The following PDE2A variants were observed in gnomAD, a reference collection of about 807,000 sequenced individuals.
PDE2A encodes the protein phosphodiesterase 2A, also known as cGMP-dependent 3',5'-cyclic phosphodiesterase.
PDE2A carries 53 observed loss-of-function variants against 133.6 expected under a neutral mutation model. The observed-to-expected ratio is 0.40, with a 90% CI of 0.32 to 0.50. The LOEUF (loss-of-function observed/expected upper bound fraction) is 0.50. Ranked by LOEUF, PDE2A falls within the 20% of genes least tolerant of loss-of-function variation. The pLI is 0.73. For missense variants in PDE2A, 796 were observed against 1,232.4 expected (o/e 0.65, Z 5.30); for synonymous variants, 491 against 490.2 (o/e 1.00, Z -0.02).
intron 13 of PDE2A, among the ~76,000 whole-genome samples, chr11:72,586,658 T>C (rs1855987974): frequency 1.3e-5 from 2 of 152,226 alleles, no homozygotes; most frequent in South Asian, 2.1e-4. Flanking sequence ...GCCCTGCTCA[T>C]GGAGCTAGCT....
intron 1 of PDE2A, among the ~76,000 whole-genome samples, chr11:72,652,216 C>T (rs117130597): frequency 1.8e-4 from 27 of 152,368 alleles, no homozygotes; most frequent in East Asian, 1.2e-3. Flanking sequence ...TCCCTTTGCA[C>T]CTGGCAAGAA....
Position 72,589,212 on chromosome 11 carries a change from T to C in PDE2A, c.902A>G (p.Glu301Gly). 6.2e-7 allele frequency: 1 copy of C among 1,613,854 alleles called. No individual in the cohort carries two copies. The highest frequency in any genetic ancestry group is 8.5e-7 in the Non-Finnish European group (1 of 1,179,878). Residue 301 changes from glutamate (E) to glycine (G), a missense_variant, in exon 12 of 31, where the codon GAA becomes GGA. Coordinates refer to ENST00000334456, the MANE Select transcript of PDE2A (RefSeq NM_002599.5). ...PLTGCLGQVV[E>G]DKKSIQLKDL... ...CTTCAGCTGGATGGACTTCTTGTCTTCCACCACCTGGCCCAGGCATCCTGT... is the reference window on the plus strand; with the variant it reads ...CTTCAGCTGGATGGACTTCTTGTCTCCCACCACCTGGCCCAGGCATCCTGT...
intron 20 of PDE2A, 144 bp from the exon 21 acceptor site, chr11:72,582,710 G>A (rs1855778968): frequency 9.1e-6 from 7 of 770,614 alleles, no homozygotes; most frequent in Non-Finnish European, 1.4e-5. Context: ...AACTGGGCAG[G>A]AAATCACCAC....
At chr11:72,648,489 G>A (rs889876173) in intron 1 of PDE2A, among the ~76,000 whole-genome samples, 1 of 152,146 alleles carries the variant, frequency 6.6e-6, no homozygotes, top group Non-Finnish European at 1.5e-5. Context: ...AAGGGTACAG[G>A]CTGAGTGAAC....
At chr11:72,639,771 G>A (rs1347466376) in intron 2 of PDE2A, among the ~76,000 whole-genome samples, 1 of 152,178 alleles carries the variant, frequency 6.6e-6, no homozygotes, top group Non-Finnish European at 1.5e-5. Context: ...GAGGATGAAG[G>A]GCAAAGGGTA....
In PDE2A at chr11:72,620,668, C is replaced by T. The variant is rs138172774; in HGVS notation, c.145-11917G>A. Among the ~76,000 whole-genome samples, 408 of 152,260 alleles carry T rather than the reference C, an allele frequency of 2.7e-3. 3 individuals are homozygous for T. Among genetic ancestry groups the T allele is most frequent in the Non-Finnish European group, 3.7e-3 (252 of 68,018 alleles). On this transcript the variant is annotated intron_variant, in intron 2 of 30. Coordinates refer to ENST00000334456, the MANE Select transcript of PDE2A (RefSeq NM_002599.5). The stretch of plus-strand genomic sequence containing the variant: ...TCCTATCCACCCCCACCCTCCCGAC[C>T]GGGACCAGATCCCCTACTGGTGTGA...
intron 2 of PDE2A, among the ~76,000 whole-genome samples, chr11:72,632,522 G>C (rs1425196433): frequency 6.6e-6 from 1 of 152,136 alleles, no homozygotes; most frequent in Non-Finnish European, 1.5e-5. Flanking sequence ...CTCTCCTGTA[G>C]GGCCTGGTAT....
At chr11:72,591,501 C>G in intron 6 of PDE2A, 145 bp from the exon 7 acceptor site, 1 of 660,682 alleles carries the variant, frequency 1.5e-6, no homozygotes, top group South Asian at 1.8e-5. Context: ...CCCCATCTTT[C>G]TGACCACTCA....
chr11:72,655,898 G>T (rs115136112), intron 1 of PDE2A, among the ~76,000 whole-genome samples: 179 of 152,304 alleles, frequency 1.2e-3, no homozygotes, highest in African/African-American at 4.2e-3. Flanking sequence ...CCAGAGTGGG[G>T]GCTGCAGCCA....
intron 2 of PDE2A, among the ~76,000 whole-genome samples, chr11:72,622,886 A>T (rs920405790): frequency 1.3e-5 from 2 of 152,226 alleles, no homozygotes; most frequent in Non-Finnish European, 2.9e-5. Flanking sequence ...AAGCTTAAGC[A>T]AAGGAAAATG....
chr11:72,659,657 G>T (rs1287942653), intron 1 of PDE2A, among the ~76,000 whole-genome samples: 1 of 152,132 alleles, frequency 6.6e-6, no homozygotes, highest in African/African-American at 2.4e-5. Context: ...ATAGAGTGGG[G>T]TTTATGGCCT....
intron 3 of PDE2A, among the ~76,000 whole-genome samples, chr11:72,607,135 G>T (rs1313396464): frequency 6.6e-6 from 1 of 152,204 alleles, no homozygotes; most frequent in Non-Finnish European, 1.5e-5. Flanking sequence ...GAAAGTCAGG[G>T]CTTCCCTAGC....
chr11:72,586,121 G>A lies in PDE2A; in HGVS notation c.1131C>T (p.Leu377=), dbSNP rs753604317. The change falls in exon 14 of 31, where the codon CTC becomes CTT. Residue 377 remains leucine, a synonymous_variant. Coordinates refer to ENST00000334456, the MANE Select transcript of PDE2A (RefSeq NM_002599.5). ...QHCFHYTSTV[L]TSTLAFQKEQ... Reference sequence around the variant, plus strand: ...CCTTCTGGAAGGCCAGGGTGCTGGTGAGCACGGTGCTGGTGTAGTGGAAGC... The same window carrying A: ...CCTTCTGGAAGGCCAGGGTGCTGGTAAGCACGGTGCTGGTGTAGTGGAAGC... 14 of 1,613,110 alleles carry A rather than the reference G, an allele frequency of 8.7e-6. No individual in the cohort carries two copies. Among genetic ancestry groups the A allele is most frequent in the African/African-American group, 2.7e-5 (2 of 74,888 alleles).
intron 19 of PDE2A, 34 bp downstream of exon 19, chr11:72,584,167 T>TCCCCCCC: frequency 1.8e-5 from 10 of 554,872 alleles, no homozygotes; most frequent in Non-Finnish European, 3.1e-5. Flanking sequence ...CCGCCCCCTA[T>TCCCCCCC]CACCCCACAC....
chr11:72,620,014 T>C (rs1461280480), intron 2 of PDE2A, among the ~76,000 whole-genome samples: 1 of 152,116 alleles, frequency 6.6e-6, no homozygotes, highest in Non-Finnish European at 1.5e-5. Flanking sequence ...TCTGGGCAGA[T>C]GCGGGCCTGA....
chr11:72,595,606 G>A (rs114917536), intron 6 of PDE2A, among the ~76,000 whole-genome samples: 2,886 of 151,996 alleles, frequency 0.019, 85 homozygotes, highest in African/African-American at 0.066. Flanking sequence ...CCTGGGAAGC[G>A]TTTAATTCCA....
chr11:72,585,736 A>T, intron 14 of PDE2A, 143 bp from the exon 15 acceptor site: 1 of 717,866 alleles, frequency 1.4e-6, no homozygotes. Flanking sequence ...GTGTCTAATT[A>T]TATCATTTGG....
chr11:72,642,155 G>A, intron 2 of PDE2A, 99 bp downstream of exon 2: 1 of 1,332,158 alleles, frequency 7.5e-7, no homozygotes, highest in Non-Finnish European at 9.7e-7. Context: ...AACTAGAGGA[G>A]GGGTCTCCTC....
chr11:72,588,344 T>C (rs1856072822), intron 13 of PDE2A, among the ~76,000 whole-genome samples: 1 of 151,982 alleles, frequency 6.6e-6, no homozygotes, highest in Non-Finnish European at 1.5e-5. Context: ...AAAAAAGAGA[T>C]TTTTGTGTAT....
Sources: allele counts gnomAD v4.1 joint callset (sites outside exome capture counted in the v4.1 genomes callset), GRCh38; gene constraint gnomAD v4.1.1; transcripts MANE v1.5; gene names NCBI Gene and HGNC (gene_info 2026-07-23, HGNC 2026-07-21).